Variants in DLGAP1 observed in about 807,000 individuals in gnomAD.
DLGAP1 encodes DLG associated protein 1.
A neutral mutation model predicts 90.8 loss-of-function variants in DLGAP1; 11 were observed. The ratio of observed to expected loss-of-function variants is 0.12; its 90% CI spans 0.08 to 0.20. The LOEUF (loss-of-function observed/expected upper bound fraction) is 0.20. Among genes scored for constraint, DLGAP1 ranks in the 10% least tolerant of loss-of-function variants. The probability of loss-of-function intolerance (pLI) is 1.00; values close to 1 mark genes in which losing one functional copy is unlikely to be tolerated. For missense variants in DLGAP1, 1,050 were observed against 1,333.8 expected, an observed-to-expected ratio of 0.79 and a Z score of 3.31; for synonymous variants, 558 against 540.7, an observed-to-expected ratio of 1.03 and a Z score of -0.44.
chr18:4,306,033 T>TAC (rs3041181), intron 1 of DLGAP1, among the ~76,000 whole-genome samples: 2,185 of 142,122 alleles, frequency 0.015, 64 homozygotes, highest in African/African-American at 0.055. Flanking sequence ...CACACACAAA[T>TAC]ACACACACAC....
At chr18:3,735,387 CT>C (rs969497093) in intron 6 of DLGAP1, among the ~76,000 whole-genome samples, 1 of 151,292 alleles carries the variant, frequency 6.6e-6, no homozygotes, top group Non-Finnish European at 1.5e-5. Context: ...GCCTGGCTAA[CT>C]TTTTTTTTGT....
At chr18:3,906,871 T>C (rs1317733380) in intron 3 of DLGAP1, among the ~76,000 whole-genome samples, 2 of 152,212 alleles carry the variant, frequency 1.3e-5, no homozygotes, top group Non-Finnish European at 1.5e-5. Context: ...AATCAATAGA[T>C]TCCTTTAAAA....
chr18:3,893,352 G>A (rs1391571451), intron 3 of DLGAP1, among the ~76,000 whole-genome samples: 1 of 151,912 alleles, frequency 6.6e-6, no homozygotes, highest in African/African-American at 2.4e-5. Flanking sequence ...TGAGGCGGGT[G>A]GATCACCTGA....
intron 4 of DLGAP1, among the ~76,000 whole-genome samples, chr18:3,833,174 CT>C (rs2068141406): frequency 6.3e-4 from 5 of 7,896 alleles, no homozygotes; most frequent in African/African-American, 8.9e-4. Flanking sequence ...TCCTTCCTTC[CT>C]TCCTTCCTTC....
At chr18:4,349,786 C>A (rs1336207387) in intron 1 of DLGAP1, among the ~76,000 whole-genome samples, 2 of 151,958 alleles carry the variant, frequency 1.3e-5, no homozygotes, top group Non-Finnish European at 2.9e-5. Flanking sequence ...TTAATCAGGA[C>A]AAGTAACAGA....
intron 1 of DLGAP1, among the ~76,000 whole-genome samples, chr18:4,355,754 T>TTG (rs1258558017): frequency 6.6e-6 from 1 of 150,874 alleles, no homozygotes; most frequent in Non-Finnish European, 1.5e-5. Context: ...TTTTTTTTTT[T>TTG]TTTTTTGCAA....
At chr18:4,322,943 GAAAAAAA>G (rs60113288) in intron 1 of DLGAP1, among the ~76,000 whole-genome samples, 58 of 97,596 alleles carry the variant, frequency 5.9e-4, no homozygotes, top group Middle Eastern at 7.5e-3. Flanking sequence ...CCTGGGCACA[GAAAAAAA>G]AAAAAAAAAA....
intron 7 of DLGAP1, among the ~76,000 whole-genome samples, chr18:3,618,947 A>C (rs1284382984): frequency 6.6e-6 from 1 of 151,960 alleles, no homozygotes; most frequent in Non-Finnish European, 1.5e-5. Context: ...TCAAAAAAAA[A>C]AAAAAGAGAT....
intron 7 of DLGAP1, among the ~76,000 whole-genome samples, chr18:3,716,578 T>TTTGAA (rs1266038683): frequency 2.0e-5 from 3 of 152,056 alleles, no homozygotes; most frequent in Non-Finnish European, 4.4e-5. Flanking sequence ...CATGCACACC[T>TTTGAA]CAGAACATTT....
chr18:3,733,497 T>C (rs368232371), intron 6 of DLGAP1, among the ~76,000 whole-genome samples: 4 of 152,306 alleles, frequency 2.6e-5, no homozygotes, highest in Admixed American at 1.3e-4. Context: ...AAGTGTACTG[T>C]GTTGCCAGTG....
intron 5 of DLGAP1, among the ~76,000 whole-genome samples, chr18:3,810,993 A>G (rs2066804748): frequency 6.6e-6 from 1 of 152,028 alleles, no homozygotes; most frequent in African/African-American, 2.4e-5. Flanking sequence ...TTTTGTAGAG[A>G]CAAGGTTTTG....
intron 1 of DLGAP1, among the ~76,000 whole-genome samples, chr18:4,400,838 C>T (rs980406383): frequency 6.6e-5 from 10 of 152,056 alleles, no homozygotes; most frequent in African/African-American, 2.4e-4. Context: ...TGGGGTTCAC[C>T]CTTTAAGAGC....
intron 3 of DLGAP1, among the ~76,000 whole-genome samples, chr18:3,902,655 T>C (rs973950152): frequency 6.6e-6 from 1 of 152,212 alleles, no homozygotes; most frequent in South Asian, 2.1e-4. Flanking sequence ...TAGCATGACC[T>C]ACTCATAAAT....
At chr18:4,341,484 A>G (rs534571531) in intron 1 of DLGAP1, among the ~76,000 whole-genome samples, 1 of 152,188 alleles carries the variant, frequency 6.6e-6, no homozygotes, top group Non-Finnish European at 1.5e-5. Flanking sequence ...AATTTTCATT[A>G]ACCACTAATA....
intron 4 of DLGAP1, among the ~76,000 whole-genome samples, chr18:3,856,630 A>G (rs1212309789): frequency 1.3e-5 from 2 of 152,054 alleles, no homozygotes; most frequent in African/African-American, 4.8e-5. Context: ...GGGAGGCCGA[A>G]GCGGGCAGAT....
chr18:4,338,501 C>T (rs971057893), intron 1 of DLGAP1, among the ~76,000 whole-genome samples: 4 of 152,116 alleles, frequency 2.6e-5, no homozygotes, highest in Admixed American at 2.6e-4. Context: ...TATATTGATC[C>T]TTCAGGCATT....
At chr18:4,033,990 G>A (rs1429111537) in intron 2 of DLGAP1, among the ~76,000 whole-genome samples, 3 of 149,156 alleles carry the variant, frequency 2.0e-5, no homozygotes, top group Non-Finnish European at 3.0e-5. Context: ...GCCCGCCTCC[G>A]CCTCCCAAAG....
chr18:4,286,145 T>C (rs1206034638), intron 1 of DLGAP1, among the ~76,000 whole-genome samples: 1 of 152,110 alleles, frequency 6.6e-6, no homozygotes, highest in Non-Finnish European at 1.5e-5. Context: ...AGATACAATG[T>C]TGGGATCCAG....
intron 1 of DLGAP1, among the ~76,000 whole-genome samples, chr18:4,399,281 G>T (rs2144511159): frequency 6.6e-6 from 1 of 152,248 alleles, no homozygotes; most frequent in Admixed American, 6.5e-5. Flanking sequence ...TTTTACACTG[G>T]AAATGTTTAA....
Sources: gnomAD v4.1 joint callset for allele counts (sites outside exome capture counted in the v4.1 genomes callset) on GRCh38, gnomAD v4.1.1 for gene constraint, MANE v1.5 for transcripts, NCBI Gene and HGNC (gene_info 2026-07-23, HGNC 2026-07-21) for gene names.